Variants in DNAH7 observed in about 807,000 individuals in gnomAD.
DNAH7 encodes axonemal beta dynein heavy chain 7.
A neutral mutation model predicts 444.6 loss-of-function variants in DNAH7; 397 were observed. The observed-to-expected ratio is 0.89, with a 90% CI of 0.82 to 0.97. DNAH7 has a LOEUF of 0.97. DNAH7 is among the 50% of genes least tolerant of loss of function. The pLI, the probability that DNAH7 is intolerant of heterozygous loss-of-function variation, is 0.00. For synonymous variants in DNAH7, 1,636 were observed against 1,624.4 expected (o/e 1.01, Z -0.17); for missense variants, 4,902 against 4,800.8 (o/e 1.02, Z -0.62).
At chr2:195,851,638 T>A (rs1699368637) in intron 46 of DNAH7, among the ~76,000 whole-genome samples, 1 of 152,164 alleles carries the variant, frequency 6.6e-6, no homozygotes, top group Non-Finnish European at 1.5e-5. Flanking sequence ...AGGCAGTCCC[T>A]TGGACTGAGT....
rs564060326 is a variant in DNAH7 at position 195,876,605 on chromosome 2, A to G, written c.6056T>C (p.Val2019Ala). 1 of 1,613,852 alleles carries G rather than the reference A, an allele frequency of 6.2e-7. No homozygotes were observed. The highest frequency in any genetic ancestry group is 1.1e-5 in the South Asian group (1 of 91,062). Residue 2019 changes from valine to alanine, a missense_variant, in exon 37 of 65, where the codon GTC becomes GCC. By Grantham distance (64) the Val-to-Ala change is moderately conservative. Transcript: ENST00000312428. The stretch of plus-strand genomic sequence containing the variant: ...TCTTCTCTTGTCCAATTTTGACATG[A>G]CAATATTCTGAGTTTGAGCTGCTGT... ...QTTAAQTQNI[V>A]MSKLDKRRKG... is the part of the protein sequence containing the mutation.
intron 54 of DNAH7, among the ~76,000 whole-genome samples, chr2:195,804,012 G>T (rs780837953): frequency 6.6e-6 from 1 of 151,972 alleles, no homozygotes; most frequent in Non-Finnish European, 1.5e-5. Context: ...CCTGCTATTT[G>T]TGGCTTCTTA....
At chr2:196,048,153 G>A (rs1697248472) in intron 4 of DNAH7, 143 bp downstream of exon 4, 1 of 563,046 alleles carries the variant, frequency 1.8e-6, no homozygotes, top group Admixed American at 3.2e-5. Context: ...ATTTTCTGAG[G>A]GAAGATGTAT....
intron 9 of DNAH7, among the ~76,000 whole-genome samples, chr2:196,017,074 T>G (rs541913645): frequency 1.6e-4 from 25 of 152,304 alleles, no homozygotes; most frequent in African/African-American, 5.8e-4. Context: ...TGGCATGATC[T>G]CAGCTATCTC....
chr2:196,000,913 A>G (rs1693994378), intron 11 of DNAH7, 30 bp from the exon 12 acceptor site: 1 of 1,521,652 alleles, frequency 6.6e-7, no homozygotes, highest in Non-Finnish European at 8.8e-7. Flanking sequence ...TTACATACAT[A>G]AATATGTATG....
At chr2:196,011,960 C>T (rs925963815) in intron 10 of DNAH7, among the ~76,000 whole-genome samples, 5 of 152,124 alleles carry the variant, frequency 3.3e-5, no homozygotes, top group Non-Finnish European at 5.9e-5. Context: ...CTTAACTCTA[C>T]TTTTACATTA....
At position 195,777,874 on chromosome 2, in the gene DNAH7, T is replaced by C. The variant is rs760303725; in HGVS notation, c.10990A>G (p.Asn3664Asp). 1 of 1,614,176 alleles carries C rather than the reference T, an allele frequency of 6.2e-7. No homozygotes were observed. The highest frequency in any genetic ancestry group is 1.7e-5 in the Admixed American group (1 of 60,034). The change falls in exon 59 of 65, where the codon AAT (asparagine) becomes GAT (aspartate). Residue 3664 changes from asparagine to aspartate, a missense_variant. Coordinates refer to ENST00000312428, the MANE Select transcript of DNAH7 (RefSeq NM_018897.3). ...TCTGAATTTTCAACTAATTCGGGATTGAAGAATTTGTTTAGAATGCTGCGC... is the reference window on the plus strand; with the variant it reads ...TCTGAATTTTCAACTAATTCGGGATCGAAGAATTTGTTTAGAATGCTGCGC... ...TLRSILNKFF[N>D]PELVENSDYK...
At chr2:195,918,262 T>C (rs1687808030) in intron 24 of DNAH7, among the ~76,000 whole-genome samples, 5 of 152,176 alleles carry the variant, frequency 3.3e-5, no homozygotes, top group Admixed American at 3.3e-4. Context: ...TTAGAATGAC[T>C]AAAATCAAAA....
At position 195,763,553 on chromosome 2, in the gene DNAH7, A is replaced by G. The variant is rs1449934694; in HGVS notation, c.11434-7268T>C. Among the ~76,000 whole-genome samples the G allele has an allele frequency of 2.0e-5, 3 of 152,066 alleles. No individual in the cohort carries two copies. The East Asian group carries it at 5.8e-4, about 29-fold the overall frequency. On this transcript the variant is annotated intron_variant, in intron 61 of 64. Coordinates refer to ENST00000312428, the MANE Select transcript of DNAH7 (RefSeq NM_018897.3). ...GATGAAAAAAGAAACATTACAATAG[A>G]TGGCACATAAATTCAAAGGATCATT...
Position 195,864,419 on chromosome 2 carries a change from G to A in DNAH7, c.7236C>T (p.Val2412=), listed in dbSNP as rs1344659823. Residue 2412 remains valine (V), a synonymous_variant, in exon 41 of 65, where the codon GTC becomes GTT. Transcript: ENST00000312428. ...TCTCCCCAGCATTTAGCAGATTACT[G>A]ACATCTTCCAGAAAAGACTCTTCTT... The part of the protein sequence containing the change: ...QIKEESFLED[V]SNLLNAGEIP... 1.9e-6 allele frequency: 3 copies of A among 1,614,162 alleles called. No individual in the cohort carries two copies. Among genetic ancestry groups the A allele is most frequent in the Non-Finnish European group, 2.5e-6 (3 of 1,180,030 alleles).
chr2:195,909,631 C>A (rs2125302283), intron 25 of DNAH7, among the ~76,000 whole-genome samples: 1 of 152,202 alleles, frequency 6.6e-6, no homozygotes, highest in South Asian at 2.1e-4. Flanking sequence ...ACTGAAATGA[C>A]TGATTAGAAT....
chr2:195,948,596 G>A (rs1689989509), intron 19 of DNAH7, among the ~76,000 whole-genome samples: 2 of 152,166 alleles, frequency 1.3e-5, no homozygotes, highest in Admixed American at 1.3e-4. Context: ...AAGATCAGAT[G>A]GTTGTAGATG....
In DNAH7 at chr2:196,024,481, G is replaced by A. The variant is rs763918784; in HGVS notation, c.691C>T (p.Arg231Ter). 5.1e-6 allele frequency: 8 copies of A among 1,578,520 alleles called. No individual in the cohort carries two copies. In the African/African-American group the frequency reaches 5.5e-5, roughly 11 times the overall value. ...GTCTTCTTATCATCTCCTTTCTCTC[G>A]AGGATCTTTTAAAACAAAATCAACT... ...SIVDFVLKDP[R>*]EKGDDKKTDE... Residue 231 changes from arginine (R) to a stop codon, truncating the protein, a stop_gained, in exon 8 of 65, where the codon CGA (arginine) becomes TGA (stop). Coordinates refer to ENST00000312428, the MANE Select transcript of DNAH7 (RefSeq NM_018897.3). LOFTEE classifies it high-confidence loss of function.
intron 61 of DNAH7, among the ~76,000 whole-genome samples, chr2:195,760,105 C>G (rs898935): frequency 0.27 from 41,640 of 152,098 alleles, 5,880 homozygotes; most frequent in Middle Eastern, 0.43. Flanking sequence ...TGAGTAAGAT[C>G]AGCAGTAGCC....
At chr2:195,928,963 C>T (rs775441056) in intron 21 of DNAH7, among the ~76,000 whole-genome samples, 4 of 151,988 alleles carry the variant, frequency 2.6e-5, no homozygotes, top group Non-Finnish European at 4.4e-5. Flanking sequence ...TGATTCTACA[C>T]CTAGAAAACC....
chr2:195,859,576 C>G (rs1699903279), intron 42 of DNAH7, among the ~76,000 whole-genome samples: 1 of 151,942 alleles, frequency 6.6e-6, no homozygotes, highest in South Asian at 2.1e-4. Context: ...AAATCCCCTT[C>G]AAAAAACAGA....
intron 19 of DNAH7, among the ~76,000 whole-genome samples, chr2:195,948,334 G>A (rs1294172080): frequency 6.6e-6 from 1 of 152,134 alleles, no homozygotes; most frequent in Non-Finnish European, 1.5e-5. Context: ...TGTTGCCATT[G>A]CTTTTGGTGT....
chr2:196,003,443 C>T (rs555310792), intron 10 of DNAH7, among the ~76,000 whole-genome samples: 1 of 152,294 alleles, frequency 6.6e-6, no homozygotes, highest in South Asian at 2.1e-4. Context: ...ATTTATATGA[C>T]TCCCTATTAT....
intron 16 of DNAH7, among the ~76,000 whole-genome samples, chr2:195,971,944 C>A (rs1209128122): frequency 6.6e-6 from 1 of 152,132 alleles, no homozygotes; most frequent in Non-Finnish European, 1.5e-5. Flanking sequence ...AAGATAAATA[C>A]TATTTTTATT....
Sources: gnomAD v4.1 joint callset for allele counts (sites outside exome capture counted in the v4.1 genomes callset) on GRCh38, gnomAD v4.1.1 for gene constraint, MANE v1.5 for transcripts, NCBI Gene and HGNC (gene_info 2026-07-23, HGNC 2026-07-21) for gene names.